MYH13: variants seen among roughly 807,000 people sequenced by gnomAD.
MYH13 encodes myosin heavy chain 13, also known as myosin-13.
MYH13 carries 177 observed loss-of-function variants against 232.1 expected under a neutral mutation model. The observed-to-expected ratio is 0.76, with a 90% CI of 0.67 to 0.86. The LOEUF (loss-of-function observed/expected upper bound fraction) is 0.86. Among genes scored for constraint, MYH13 ranks in the 40% least tolerant of loss-of-function variants. The probability of loss-of-function intolerance (pLI) is 0.00; values close to 1 mark genes in which losing one functional copy is unlikely to be tolerated. For synonymous variants in MYH13, 884 were observed against 923.5 expected (o/e 0.96, Z 0.78); for missense variants, 2,246 against 2,405.9 (o/e 0.93, Z 1.39).
Position 10,309,611 on chromosome 17 carries a change from G to A in MYH13, c.4876C>T (p.Leu1626Phe), listed in dbSNP as rs765483543. Reference protein sequence around the residue: ...LRLKKKMEGDLNEMEIQLGHS... With the variant: ...LRLKKKMEGDFNEMEIQLGHS... ...CCCAGCTGAATCTCCATCTCATTAA[G>A]GTCTCCCTCCATCTTCTTCTTTAGC... Residue 1626 changes from leucine (L) to phenylalanine (F), a missense_variant, in exon 34 of 41, where the codon CTT (leucine) becomes TTT (phenylalanine). Transcript: ENST00000252172. 5.0e-6 allele frequency: 8 copies of A among 1,613,472 alleles called. No homozygotes were observed. Among genetic ancestry groups the A allele is most frequent in the Non-Finnish European group, 6.8e-6 (8 of 1,179,752 alleles).
In MYH13 at chr17:10,304,441, T is replaced by C. The variant is rs747155645; in HGVS notation, c.5467-943A>G. ...GGTGGGTCAGGATTTGCTTAGATGCTCCCTTTTGTGGAGCCAGGTCGTTTG... is the reference window on the plus strand; with the variant it reads ...GGTGGGTCAGGATTTGCTTAGATGCCCCCTTTTGTGGAGCCAGGTCGTTTG... On this transcript the variant is annotated intron_variant, in intron 37 of 40. Coordinates refer to ENST00000252172, the MANE Select transcript of MYH13 (RefSeq NM_003802.3). The surrounding 1 kb of genome is among the most constrained non-coding windows in gnomAD (Gnocchi z 5.3). Among the ~76,000 whole-genome samples, 1 of 152,194 alleles carries C rather than the reference T, an allele frequency of 6.6e-6. No homozygotes were observed. Among genetic ancestry groups the C allele is most frequent in the Non-Finnish European group, 1.5e-5 (1 of 68,036 alleles).
chr17:10,367,613 T>G (rs2071847408), intron 2 of MYH13, among the ~76,000 whole-genome samples: 1 of 152,124 alleles, frequency 6.6e-6, no homozygotes, highest in African/African-American at 2.4e-5. Flanking sequence ...CTTCCCAAAG[T>G]GCTGGGATTA....
intron 35 of MYH13, among the ~76,000 whole-genome samples, chr17:10,307,761 C>T (rs1567655167): frequency 6.6e-6 from 1 of 151,974 alleles, no homozygotes; most frequent in South Asian, 2.1e-4. Context: ...TGTTAAAGAA[C>T]AATTTATATT....
intron 22 of MYH13, among the ~76,000 whole-genome samples, chr17:10,326,461 C>CTT (rs1278401404): frequency 6.6e-6 from 1 of 151,610 alleles, no homozygotes; most frequent in Non-Finnish European, 1.5e-5. Context: ...TTTTCTTTTT[C>CTT]TTTCTTTCTT....
Position 10,311,217 on chromosome 17 carries a change from G to A in MYH13, c.4542C>T (p.Ser1514=), listed in dbSNP as rs781046118. 6.8e-6 allele frequency: 11 copies of A among 1,613,850 alleles called. No individual in the cohort carries two copies. The highest frequency in any genetic ancestry group is 4.4e-5 in the South Asian group (4 of 91,078). Residue 1514 remains serine (S), a synonymous_variant, in exon 33 of 41, where the codon TCC becomes TCT. Transcript: ENST00000252172. Reference sequence around the variant, plus strand: ...TTTCTGCAATCTGCTCAGTTAAGTCGGAAATCTCTTCTGCAAAGGACAGGC... The same window carrying A: ...TTTCTGCAATCTGCTCAGTTAAGTCAGAAATCTCTTCTGCAAAGGACAGGC... The part of the protein sequence containing the change: ...RENKNLQEEI[S]DLTEQIAETG...
At position 10,360,167 on chromosome 17, in the gene MYH13, A is replaced by G; in HGVS notation, c.527T>C (p.Leu176Pro). The G allele has an allele frequency of 1.2e-6, 2 of 1,614,012 alleles. No homozygotes were observed. Among genetic ancestry groups the G allele is most frequent in the Non-Finnish European group, 1.7e-6 (2 of 1,179,898 alleles). The change falls in exon 6 of 41, where the codon CTC becomes CCC. Residue 176 changes from leucine (L) to proline (P), a missense_variant. Physicochemically the swap from Leu to Pro is moderately conservative, Grantham distance 98. Transcript: ENST00000252172. ...ACAAAGAGGTGTTACTCACGTGATGAGGATAGACTGGTTGTCTCGATCTAG... is the reference window on the plus strand; with the variant it reads ...ACAAAGAGGTGTTACTCACGTGATGGGGATAGACTGGTTGTCTCGATCTAG... ...MLTDRDNQSI[L>P]ITGESGAGKT...
intron 5 of MYH13, among the ~76,000 whole-genome samples, chr17:10,360,446 T>G (rs1161281480): frequency 6.6e-6 from 1 of 152,174 alleles, no homozygotes; most frequent in African/African-American, 2.4e-5. Context: ...TAGAAGTTAC[T>G]CATGTTTATA....
intron 11 of MYH13, among the ~76,000 whole-genome samples, chr17:10,352,569 C>A (rs747090560): frequency 2.0e-5 from 3 of 151,100 alleles, no homozygotes; most frequent in Non-Finnish European, 4.4e-5. Flanking sequence ...AGCCTGGGGA[C>A]AGAGCGAGAC....
chr17:10,327,018 T>TTTTTTTG lies in MYH13; in HGVS notation c.2691+847_2691+848insCAAAAAA. ...TTTTTTTTTTTTTTTTTTTTTTTTT[T>TTTTTTTG]TGAGACGGAGTCTCGCTCTGTCGCC... On this transcript the variant is annotated intron_variant, in intron 22 of 40. Coordinates refer to ENST00000252172, the MANE Select transcript of MYH13 (RefSeq NM_003802.3). Among the ~76,000 whole-genome samples, 4 of 34,830 alleles carry TTTTTTTG rather than the reference T, an allele frequency of 1.1e-4. 1 individual carries two copies. Among genetic ancestry groups the TTTTTTTG allele is most frequent in the Non-Finnish European group, 2.5e-4 (4 of 15,776 alleles). The allele number at this position is 34,830 out of a possible 152,430, so 22.8% of individuals were successfully genotyped here.
rs754482604 is a variant in MYH13 at position 10,306,628 on chromosome 17, G to C, written c.5297C>G (p.Ala1766Gly). The C allele has an allele frequency of 2.5e-6, 4 of 1,613,844 alleles. No homozygotes were observed. In the East Asian group the frequency reaches 8.9e-5, roughly 36 times the overall value. ...CTTTAGCTCCTCAGCCATCATGGCAGCCTGGTTAAGTTCACAGGACACATC... is the reference window on the plus strand; with the variant it reads ...CTTTAGCTCCTCAGCCATCATGGCACCCTGGTTAAGTTCACAGGACACATC... ...EEKAKKAITDAAMMAEELKKE... is the reference protein window; with the variant it reads ...EEKAKKAITDGAMMAEELKKE... The change falls in exon 37 of 41, where the codon GCT becomes GGT. Residue 1766 changes from alanine (A) to glycine (G), a missense_variant and splice_region_variant. Coordinates refer to ENST00000252172, the MANE Select transcript of MYH13 (RefSeq NM_003802.3). This position sits in a 1 kb window ranked among gnomAD's most constrained non-coding sequence, Gnocchi z 4.3.
chr17:10,346,625 A>G (rs200339003), intron 13 of MYH13, 55 bp downstream of exon 13: 2 of 1,398,948 alleles, frequency 1.4e-6, no homozygotes, highest in East Asian at 4.6e-5. Context: ...GCTTTAAGAT[A>G]ATGGCTCAAA....
At chr17:10,352,086 G>A (rs1424379030) in intron 11 of MYH13, among the ~76,000 whole-genome samples, 1 of 152,134 alleles carries the variant, frequency 6.6e-6, no homozygotes, top group African/African-American at 2.4e-5. Context: ...CCTAGGGAAG[G>A]GTCGTTGTAG....
chr17:10,336,865 C>G (rs1207166274), intron 18 of MYH13, among the ~76,000 whole-genome samples: 1 of 151,968 alleles, frequency 6.6e-6, no homozygotes, highest in Non-Finnish European at 1.5e-5. Flanking sequence ...AAACCTAGCT[C>G]TGGTGCTTCC....
At position 10,306,827 on chromosome 17, in the gene MYH13, CCACTAACCGAT is replaced by C. The variant is rs1287182803; in HGVS notation, c.5295+101_5295+111del. ...CTCATTACATCTGTCTGGGAAGCCA[CCACTAACCGAT>C]TGTTGTCATAAGAGATGAAACATAC... On this transcript the variant is annotated intron_variant, in intron 36 of 40. Transcript: ENST00000252172. The surrounding 1 kb of genome is among the most constrained non-coding windows in gnomAD (Gnocchi z 4.3). The C allele has an allele frequency of 4.5e-6, 7 of 1,568,338 alleles. No homozygotes were observed. The African/African-American group carries it at 6.8e-5, about 15-fold the overall frequency.
rs1048923776 is a variant in MYH13 at position 10,332,971 on chromosome 17, G to A, written c.2174+103C>T. ...AGAGATGAAGTCTGTGGAAACTCTGGGGGACTTGGGAGCTCACCAAATACC... is the reference window on the plus strand; with the variant it reads ...AGAGATGAAGTCTGTGGAAACTCTGAGGGACTTGGGAGCTCACCAAATACC... On this transcript the variant is annotated intron_variant, in intron 19 of 40. Transcript: ENST00000252172. 1.5e-4 allele frequency: 141 copies of A among 922,384 alleles called. 1 individual carries two copies. The highest frequency in any genetic ancestry group is 7.6e-4 in the Admixed American group (36 of 47,078). The allele number at this position is 922,384 out of a possible 1,614,324, so 57.1% of individuals were successfully genotyped here. A position where few individuals can be genotyped will look rare whatever the true frequency, so the allele number is the denominator to read the frequency against.
chr17:10,309,159 G>T (rs1372906589), intron 35 of MYH13, 75 bp downstream of exon 35: 70 of 1,437,460 alleles, frequency 4.9e-5, no homozygotes, highest in Non-Finnish European at 1.2e-5. Flanking sequence ...AGGGATAGCG[G>T]AAGCAGCTGC....
chr17:10,352,146 G>C (rs1429309436), intron 11 of MYH13, among the ~76,000 whole-genome samples: 3 of 152,182 alleles, frequency 2.0e-5, no homozygotes, highest in East Asian at 1.9e-4. Context: ...GCAGGTGAAA[G>C]CGTCACTGCC....
At position 10,335,211 on chromosome 17, in the gene MYH13, A is replaced by G. The variant is rs571129341; in HGVS notation, c.2057-2020T>C. The stretch of plus-strand genomic sequence containing the variant: ...GGCAGGTCGCAGCCAAAACTGTTTC[A>G]CGTACAAAATTATTTAAAATATTGT... On this transcript the variant is annotated intron_variant, in intron 18 of 40. Transcript: ENST00000252172. Among the ~76,000 whole-genome samples the G allele has an allele frequency of 2.2e-4, 33 of 152,292 alleles. No individual in the cohort carries two copies. The South Asian group carries it at 6.6e-3, about 31-fold the overall frequency.
Position 10,360,064 on chromosome 17 carries a change from A to G in MYH13, c.541T>C (p.Ser181Pro). Reference protein sequence around the residue: ...DNQSILITGESGAGKTVNTKR... With the variant: ...DNQSILITGEPGAGKTVNTKR... ...GTGTTCACAGTCTTCCCAGCCCCGG[A>G]TTCTCCGCTGCCAATTTAAAAGTAA... Residue 181 changes from serine to proline, a missense_variant, in exon 7 of 41, where the codon TCC becomes CCC. By Grantham distance (74) the Ser-to-Pro change is moderately conservative (BLOSUM62 -1). Coordinates refer to ENST00000252172, the MANE Select transcript of MYH13 (RefSeq NM_003802.3). The G allele has an allele frequency of 6.2e-7, 1 of 1,614,114 alleles. No homozygotes were observed. Among genetic ancestry groups the G allele is most frequent in the Non-Finnish European group, 8.5e-7 (1 of 1,180,014 alleles).
Sources: gnomAD v4.1 joint callset for allele counts (sites outside exome capture counted in the v4.1 genomes callset) on GRCh38, gnomAD v4.1.1 for gene constraint, Gnocchi (gnomAD v3.1) non-coding constraint, MANE v1.5 for transcripts, NCBI Gene and HGNC (gene_info 2026-07-23, HGNC 2026-07-21) for gene names.